Variants in CDKL4 observed in about 807,000 individuals in gnomAD.
CDKL4 encodes cyclin dependent kinase like 4.
A neutral mutation model predicts 42.0 loss-of-function variants in CDKL4; 44 were observed. The ratio of observed to expected loss-of-function variants is 1.05; its 90% confidence interval spans 0.82 to 1.35. The LOEUF (loss-of-function observed/expected upper bound fraction) is 1.35, where lower values mean the gene tolerates loss of function less well. Ranked by LOEUF, CDKL4 falls within the 40% of genes most tolerant of loss-of-function variation. CDKL4 has a pLI of 0.00. For missense variants in CDKL4, 393 were observed against 369.9 expected (o/e 1.06, Z -0.51); for synonymous variants, 120 against 121.6 (o/e 0.99, Z 0.09).
rs1157655136 is a variant in CDKL4 at position 39,220,976 on chromosome 2, C to CTTTTTTTTTTTTTTTTTTTTTT, written c.290+4841_290+4862dup. Among the ~76,000 whole-genome samples, 67 of 49,114 alleles carry CTTTTTTTTTTTTTTTTTTTTTT rather than the reference C, an allele frequency of 1.4e-3. 4 individuals are homozygous for CTTTTTTTTTTTTTTTTTTTTTT. The highest frequency in any genetic ancestry group is 2.0e-3 in the Admixed American group (6 of 2,956). The allele number at this position is 49,114 out of a possible 152,430, so 32.2% of individuals were successfully genotyped here. A position where few individuals can be genotyped will look rare whatever the true frequency, so the allele number is the denominator to read the frequency against. ...AATCCGCATTCACTACATCGACGAT[C>CTTTTTTTTTTTTTTTTTTTTTT]TTTTTTTTTTTTTTTTTTTTTTTTG... On this transcript the variant is annotated intron_variant, in intron 3 of 9. Coordinates refer to ENST00000451199, the Ensembl canonical transcript of CDKL4.
chr2:39,180,778 C>T (rs1413410018), intron 8 of CDKL4, among the ~76,000 whole-genome samples: 1 of 151,484 alleles, frequency 6.6e-6, no homozygotes, highest in East Asian at 1.9e-4. Flanking sequence ...GCAAACTCCA[C>T]CTCCCAGGTT....
intron 2 of CDKL4, among the ~76,000 whole-genome samples, chr2:39,227,793 T>C (rs1678846944): frequency 6.6e-6 from 1 of 152,218 alleles, no homozygotes; most frequent in Non-Finnish European, 1.5e-5. Context: ...TTAAACCTGG[T>C]CCAATCTCCT....
chr2:39,237,468 A>G (rs1441231980), intron 1 of CDKL4, among the ~76,000 whole-genome samples: 1 of 152,200 alleles, frequency 6.6e-6, no homozygotes, highest in Non-Finnish European at 1.5e-5. Flanking sequence ...TGGAAAAAAG[A>G]TGTTTGCTTT....
At position 39,184,608 on chromosome 2, in the gene CDKL4, C is replaced by T. The variant is rs1377179165; in HGVS notation, c.775G>A (p.Ala259Thr). 5 of 1,611,438 alleles carry T rather than the reference C, an allele frequency of 3.1e-6. No homozygotes were observed. The East Asian group carries it at 1.1e-4, about 36-fold the overall frequency. ...TTAAGTACCTTCATGAAGTTCAGAG[C>T]CACAGGATGAACATCTGAGAACTTT... The change falls in exon 8 of 10, where the codon GCT (alanine) becomes ACT (threonine). Residue 259 changes from alanine (A) to threonine (T), a missense_variant. Ala to Thr is a moderately conservative substitution (Grantham distance 58). Transcript: ENST00000451199.
At chr2:39,212,805 G>A (rs1349828025) in intron 4 of CDKL4, among the ~76,000 whole-genome samples, 2 of 152,004 alleles carry the variant, frequency 1.3e-5, no homozygotes, top group African/African-American at 4.8e-5. Flanking sequence ...GATTACAGGT[G>A]CGCACCACCA....
intron 8 of CDKL4, among the ~76,000 whole-genome samples, chr2:39,181,936 C>T (rs748958551): frequency 8.5e-5 from 13 of 152,100 alleles, no homozygotes; most frequent in Non-Finnish European, 1.8e-4. Context: ...ATAATTAAGT[C>T]CTATCGGTTT....
chr2:39,197,141 C>T (rs756112448), intron 5 of CDKL4, among the ~76,000 whole-genome samples: 1 of 152,156 alleles, frequency 6.6e-6, no homozygotes, highest in Non-Finnish European at 1.5e-5. Flanking sequence ...AAAACAGTCA[C>T]AACTTCTGGA....
chr2:39,196,831 C>T (rs535547692), intron 5 of CDKL4, among the ~76,000 whole-genome samples: 4 of 152,160 alleles, frequency 2.6e-5, no homozygotes, highest in South Asian at 2.1e-4. Flanking sequence ...TGGTCTCGAA[C>T]TCCTGACCTC....
At chr2:39,185,168 A>G (rs552431424) in intron 7 of CDKL4, among the ~76,000 whole-genome samples, 32 of 127,240 alleles carry the variant, frequency 2.5e-4, no homozygotes, top group African/African-American at 9.6e-4. Flanking sequence ...ACACATATGT[A>G]TATATATACA....
At chr2:39,212,954 A>T (rs960045764) in intron 4 of CDKL4, among the ~76,000 whole-genome samples, 1 of 151,984 alleles carries the variant, frequency 6.6e-6, no homozygotes, top group African/African-American at 2.4e-5. Context: ...GAGCCACCAT[A>T]CCGGCCCTGA....
At chr2:39,216,798 G>A (rs1351930918) in intron 3 of CDKL4, among the ~76,000 whole-genome samples, 6 of 152,116 alleles carry the variant, frequency 3.9e-5, no homozygotes, top group Non-Finnish European at 8.8e-5. Context: ...ACTGCAAAAC[G>A]CCAATTACTA....
At chr2:39,171,555 A>G (rs1675000385), downstream of CDKL4, among the ~76,000 whole-genome samples, 1 of 152,216 alleles carries the variant, frequency 6.6e-6, no homozygotes, top group Non-Finnish European at 1.5e-5. Context: ...CAGGACTGAA[A>G]TAGAGATTAA....
intron 9 of CDKL4, chr2:39,178,940 A>C: frequency 6.9e-7 from 1 of 1,446,096 alleles, no homozygotes; most frequent in Non-Finnish European, 9.1e-7. Flanking sequence ...CAATCAGAGC[A>C]GCCAAAGAGT....
chr2:39,171,015 G>C (rs936126938), downstream of CDKL4, among the ~76,000 whole-genome samples: 6 of 151,882 alleles, frequency 4.0e-5, no homozygotes, highest in Non-Finnish European at 7.4e-5. Context: ...AGGTGGGGTG[G>C]ATCACTTGAG....
intron 6 of CDKL4, among the ~76,000 whole-genome samples, chr2:39,189,553 C>A (rs1676048942): frequency 6.6e-6 from 1 of 152,174 alleles, no homozygotes; most frequent in African/African-American, 2.4e-5. Context: ...CAGCAGCCAC[C>A]CCTAATCAGG....
At chr2:39,173,488 G>A (rs531654565), downstream of CDKL4, among the ~76,000 whole-genome samples, 13 of 152,168 alleles carry the variant, frequency 8.5e-5, no homozygotes, top group South Asian at 1.9e-3. Context: ...ATCAGCCTGG[G>A]CAATATACCA....
At chr2:39,178,621 T>C (rs1558541520) in intron 9 of CDKL4, 2 of 1,568,678 alleles carry the variant, frequency 1.3e-6, no homozygotes, top group African/African-American at 1.3e-5. Context: ...TTAATGTTTG[T>C]CATAACAGTC....
At chr2:39,182,082 A>T (rs61257289) in intron 8 of CDKL4, among the ~76,000 whole-genome samples, 2 of 152,074 alleles carry the variant, frequency 1.3e-5, no homozygotes, top group South Asian at 4.1e-4. Flanking sequence ...CCTGGGCTCA[A>T]GCAATCCTCC....
chr2:39,246,666 T>C (rs1679926466), upstream of CDKL4, among the ~76,000 whole-genome samples: 1 of 152,248 alleles, frequency 6.6e-6, no homozygotes, highest in African/African-American at 2.4e-5. Flanking sequence ...TCTTACTGCA[T>C]ATGGTAAATT....
Sources: gnomAD v4.1 joint callset for allele counts (sites outside exome capture counted in the v4.1 genomes callset) on GRCh38, gnomAD v4.1.1 for gene constraint, MANE v1.5 for transcripts, NCBI Gene and HGNC (gene_info 2026-07-23, HGNC 2026-07-21) for gene names.